PON3: variants seen among roughly 807,000 people sequenced by gnomAD.
The protein encoded by PON3 is paraoxonase 3.
PON3 carries 37 observed loss-of-function variants against 36.3 expected under a neutral mutation model. The observed-to-expected ratio is 1.02, with a 90% CI of 0.78 to 1.34. The LOEUF (loss-of-function observed/expected upper bound fraction) is 1.34, where lower values mean the gene tolerates loss of function less well. PON3 is among the 40% of genes most tolerant of loss of function. The probability of loss-of-function intolerance (pLI) is 0.00; values close to 1 mark genes in which losing one functional copy is unlikely to be tolerated. For synonymous variants in PON3, 155 were observed against 154.8 expected (o/e 1.00, Z -0.01); for missense variants, 415 against 426.5 (o/e 0.97, Z 0.24).
intron 5 of PON3, 118 bp downstream of exon 5, chr7:95,367,244 G>C: frequency 7.5e-7 from 1 of 1,326,488 alleles, no homozygotes; most frequent in Non-Finnish European, 1.0e-6. Flanking sequence ...GAAAGCTTTA[G>C]AAAAAAATCA....
rs572620025 is a variant in PON3, at chr7:95,364,552, C to T, written c.495-489G>A. ...CCACTGCTTGCTTCACCATGTTTCC[C>T]TCATGTTTCCACAGTAATGAGCAAC... On this transcript the variant is annotated intron_variant, in intron 5 of 8. Coordinates refer to ENST00000265627, the MANE Select transcript of PON3 (RefSeq NM_000940.3). The T allele has an allele frequency of 1.8e-5, 4 of 223,600 alleles. 1 individual carries two copies. The highest frequency in any genetic ancestry group is 9.2e-5 in the African/African-American group (4 of 43,246). The allele number at this position is 223,600 out of a possible 1,614,324, so 13.9% of individuals were successfully genotyped here. A position where few individuals can be genotyped will look rare whatever the true frequency, so the allele number is the denominator to read the frequency against.
intron 3 of PON3, among the ~76,000 whole-genome samples, chr7:95,383,779 C>A (rs1809119313): frequency 1.3e-5 from 2 of 152,110 alleles, no homozygotes; most frequent in Non-Finnish European, 2.9e-5. Flanking sequence ...CCATACTGCC[C>A]AAGGTAATTT....
chr7:95,362,285 T>C, intron 8 of PON3, 77 bp downstream of exon 8: 1 of 1,576,318 alleles, frequency 6.3e-7, no homozygotes, highest in South Asian at 1.1e-5. Context: ...TGTGACTGGC[T>C]TAAATTCTTC....
Position 95,363,798 on chromosome 7 carries a change from C to T in PON3, c.695+65G>A, listed in dbSNP as rs142845581. On this transcript the variant is annotated intron_variant, in intron 6 of 8. Transcript: ENST00000265627. The stretch of plus-strand genomic sequence containing the variant: ...AGCCTAAGTAAGGAAGTAACTTCCT[C>T]GTAAGGAAAGGAGTCCACGAAAATG... 5.0e-4 allele frequency: 739 copies of T among 1,466,996 alleles called. 6 individuals carry two copies. In the African/African-American group the frequency reaches 8.4e-3, roughly 17 times the overall value. 90.9% of individuals were successfully genotyped at this position (1,466,996 alleles called of 1,614,324 possible).
intron 6 of PON3, 40 bp from the exon 7 acceptor site, chr7:95,362,881 T>C (rs1026298983): frequency 7.0e-7 from 1 of 1,420,760 alleles, no homozygotes; most frequent in African/African-American, 1.4e-5. Flanking sequence ...CAAGTGGTAA[T>C]GAGAGACAAC....
At chr7:95,393,321 G>A (rs903917073) in intron 2 of PON3, among the ~76,000 whole-genome samples, 9 of 152,178 alleles carry the variant, frequency 5.9e-5, no homozygotes, top group Admixed American at 5.9e-4. Context: ...TGTGGCAGGT[G>A]TCATAAGTGA....
chr7:95,374,358 G>T (rs910597654), intron 3 of PON3, among the ~76,000 whole-genome samples: 3 of 151,702 alleles, frequency 2.0e-5, no homozygotes, highest in African/African-American at 7.3e-5. Context: ...TCCCTCCTCT[G>T]TTCTTAGATT....
At chr7:95,378,408 AC>A (rs1234891793) in intron 3 of PON3, among the ~76,000 whole-genome samples, 3 of 152,224 alleles carry the variant, frequency 2.0e-5, no homozygotes, top group Non-Finnish European at 4.4e-5. Context: ...AGAGAACACC[AC>A]AAAGATACTC....
intron 3 of PON3, among the ~76,000 whole-genome samples, chr7:95,380,932 A>T (rs1809037825): frequency 2.6e-5 from 4 of 152,342 alleles, no homozygotes; most frequent in African/African-American, 9.6e-5. Context: ...GAAGGAAAAA[A>T]TGTTAAGGGC....
chr7:95,377,240 C>T (rs1280214914), intron 3 of PON3, among the ~76,000 whole-genome samples: 1 of 152,160 alleles, frequency 6.6e-6, no homozygotes, highest in Non-Finnish European at 1.5e-5. Flanking sequence ...GTTTTGTGCT[C>T]ACAGTGTAAA....
chr7:95,382,850 T>C (rs979483898), intron 3 of PON3, among the ~76,000 whole-genome samples: 66 of 152,318 alleles, frequency 4.3e-4, no homozygotes, highest in Non-Finnish European at 1.5e-5. Context: ...TAACTCATTT[T>C]ATGAGGCCAG....
chr7:95,364,106 T>C, intron 5 of PON3, 43 bp from the exon 6 acceptor site: 2 of 1,464,986 alleles, frequency 1.4e-6, no homozygotes, highest in African/African-American at 1.4e-5. Flanking sequence ...ATGAGGTATT[T>C]AAATATCCTT....
rs146627952 is a variant in PON3, at chr7:95,396,346, C to T, written c.5G>A (p.Gly2Glu). ...CAGCAGGACCAGCGCCACGAGCTTC[C>T]CCATGGTCTCGGGGTGCCCAGCGGC... M[G>E]KLVALVLLGV... Residue 2 changes from glycine to glutamate, a missense_variant, in exon 1 of 9, where the codon GGG (glycine) becomes GAG (glutamate). Transcript: ENST00000265627. 1,507 of 1,613,970 alleles carry T rather than the reference C, an allele frequency of 9.3e-4. 24 individuals carry two copies. In the African/African-American group the frequency reaches 0.018, roughly 19 times the overall value.
In PON3 at chr7:95,363,926, T is replaced by A. The variant is rs1371917976; in HGVS notation, c.632A>T (p.Glu211Val). ...WTYVLFYSPR[E>V]VKVVAKGFCS... ...AAATCCTTTGGCCACCACTTTAACCTCCCTTGGGCTGTAGAAAAGAACATA... is the reference window on the plus strand; with the variant it reads ...AAATCCTTTGGCCACCACTTTAACCACCCTTGGGCTGTAGAAAAGAACATA... Residue 211 changes from glutamate to valine, a missense_variant, in exon 6 of 9, where the codon GAG becomes GTG. Transcript: ENST00000265627. 8 of 1,613,748 alleles carry A rather than the reference T, an allele frequency of 5.0e-6. No homozygotes were observed. The highest frequency in any genetic ancestry group is 1.7e-4 in the Middle Eastern group (1 of 6,060).
Position 95,367,451 on chromosome 7 carries a change from G to T in PON3, c.405C>A (p.His135Gln), listed in dbSNP as rs943543098. The T allele has an allele frequency of 7.4e-6, 12 of 1,613,044 alleles. No individual in the cohort carries two copies. In the African/African-American group the frequency reaches 1.6e-4, roughly 22 times the overall value. The change falls in exon 5 of 9, where the codon CAC (histidine) becomes CAA (glutamine). Residue 135 changes from histidine (H) to glutamine (Q), a missense_variant. Coordinates refer to ENST00000265627, the MANE Select transcript of PON3 (RefSeq NM_000940.3). Reference protein sequence around the residue: ...TVYLYVVNHPHMKSTVEIFKF... With the variant: ...TVYLYVVNHPQMKSTVEIFKF... ...TAAATATCTCCACAGTGGACTTCAT[G>T]TGGGGATGATTCACAACATAAAGAT... is the stretch of plus-strand genomic sequence containing the variant.
intron 3 of PON3, among the ~76,000 whole-genome samples, chr7:95,374,218 TTAC>T (rs1253142493): frequency 1.3e-5 from 2 of 152,208 alleles, no homozygotes; most frequent in Non-Finnish European, 2.9e-5. Flanking sequence ...ATGACTTTAC[TTAC>T]TACTTCTCTG....
intron 6 of PON3, 148 bp downstream of exon 6, chr7:95,363,715 C>G: frequency 1.2e-6 from 1 of 800,278 alleles, no homozygotes; most frequent in Admixed American, 1.9e-5. Flanking sequence ...CTTAGGATGA[C>G]AGATTTAGTG....
chr7:95,390,314 G>T, intron 2 of PON3, 105 bp from the exon 3 acceptor site: 1 of 942,136 alleles, frequency 1.1e-6, no homozygotes, highest in East Asian at 2.4e-5. Context: ...TTTGGAAATT[G>T]TTGACTTGTT....
chr7:95,386,895 T>A (rs1040705768), intron 3 of PON3, among the ~76,000 whole-genome samples: 1 of 152,132 alleles, frequency 6.6e-6, no homozygotes, highest in African/African-American at 2.4e-5. Flanking sequence ...CACATGATTA[T>A]CTCAATAGAT....
Sources: gnomAD v4.1 joint callset for allele counts (sites outside exome capture counted in the v4.1 genomes callset) on GRCh38, gnomAD v4.1.1 for gene constraint, MANE v1.5 for transcripts, NCBI Gene and HGNC (gene_info 2026-07-23, HGNC 2026-07-21) for gene names.